MTUS2: variants seen among roughly 807,000 people sequenced by gnomAD.
MTUS2 encodes the protein microtubule associated scaffold protein 2.
In MTUS2, 40 loss-of-function variants were observed where a neutral mutation model predicts 114.1. That is an observed-to-expected ratio of 0.35 (90% CI 0.27 to 0.46). MTUS2 has a LOEUF of 0.46. Ranked by LOEUF, MTUS2 falls within the 20% of genes least tolerant of loss-of-function variation. MTUS2 has a pLI of 1.00. For synonymous variants in MTUS2, 688 were observed against 672.0 expected, an observed-to-expected ratio of 1.02 and a Z score of -0.37; for missense variants, 1,679 against 1,705.4, an observed-to-expected ratio of 0.98 and a Z score of 0.27.
intron 5 of MTUS2, among the ~76,000 whole-genome samples, chr13:29,264,385 A>G (rs1223355503): frequency 6.6e-6 from 1 of 152,172 alleles, no homozygotes; most frequent in Non-Finnish European, 1.5e-5. Flanking sequence ...CAGGCTGCCA[A>G]TGGATCTACC....
intron 4 of MTUS2, among the ~76,000 whole-genome samples, chr13:29,082,671 ACTT>A (rs1889497754): frequency 1.3e-5 from 2 of 152,226 alleles, no homozygotes; most frequent in Non-Finnish European, 2.9e-5. Flanking sequence ...GCAGGGTGCC[ACTT>A]GTATGACTCA....
In MTUS2 at chr13:29,011,312, A is replaced by T. The variant is rs568329451; in HGVS notation, c.-242-13145A>T. On this transcript the variant is annotated intron_variant, in intron 2 of 15. Transcript: ENST00000612955. ...GAAATTGTCTATTCTGATAATGAAG[A>T]TGTGTGAAGCCTAAACGCCATCCTG... Among the ~76,000 whole-genome samples, 12 of 152,336 alleles carry T rather than the reference A, an allele frequency of 7.9e-5. No individual in the cohort carries two copies. The East Asian group carries it at 2.3e-3, about 29-fold the overall frequency.
chr13:29,451,409 C>G (rs1878673116), intron 9 of MTUS2, among the ~76,000 whole-genome samples: 2 of 152,258 alleles, frequency 1.3e-5, no homozygotes, highest in South Asian at 4.1e-4. Context: ...ATATCAAAAT[C>G]TGTGGAATGC....
intron 2 of MTUS2, among the ~76,000 whole-genome samples, chr13:28,953,949 A>G (rs774204496): frequency 1.3e-5 from 2 of 152,220 alleles, no homozygotes; most frequent in Non-Finnish European, 2.9e-5. Flanking sequence ...GTTAAAACAT[A>G]CTATAAGGGC....
intron 5 of MTUS2, among the ~76,000 whole-genome samples, chr13:29,157,168 A>G (rs2139061514): frequency 6.6e-6 from 1 of 152,290 alleles, no homozygotes; most frequent in East Asian, 1.9e-4. Context: ...ATTGCAAACT[A>G]AGCTGTGAGG....
At chr13:29,359,692 A>G (rs970099393) in intron 8 of MTUS2, among the ~76,000 whole-genome samples, 3 of 152,242 alleles carry the variant, frequency 2.0e-5, no homozygotes, top group Non-Finnish European at 4.4e-5. Flanking sequence ...GGGAAGGATC[A>G]TTAATAATCT....
rs543881574 is a variant in MTUS2 at position 29,060,292 on chromosome 13, G to A, written c.2446+26167G>A. ...GGTGGCTCTCTGCCTCAATTTAGAA[G>A]CATAGGGGTGGGGCGGGGTGTCAAG... On this transcript the variant is annotated intron_variant, in intron 4 of 15. Coordinates refer to ENST00000612955, the MANE Select transcript of MTUS2 (RefSeq NM_001033602.4). Among the ~76,000 whole-genome samples the A allele has an allele frequency of 2.6e-5, 4 of 152,268 alleles. No homozygotes were observed. In the South Asian group the frequency reaches 8.3e-4, roughly 32 times the overall value.
chr13:29,228,169 G>A (rs1011925676), intron 5 of MTUS2, among the ~76,000 whole-genome samples: 7 of 152,276 alleles, frequency 4.6e-5, no homozygotes, highest in Middle Eastern at 3.4e-3. Flanking sequence ...GAAATGAATG[G>A]CATTCAGTAG....
At chr13:29,343,200 T>TCGTC (rs1901487820) in intron 7 of MTUS2, among the ~76,000 whole-genome samples, 2 of 151,470 alleles carry the variant, frequency 1.3e-5, no homozygotes, top group African/African-American at 2.4e-5. Flanking sequence ...GATTCCCTCT[T>TCGTC]TGTCTTTTGA....
chr13:29,045,703 G>A (rs1239801187), intron 4 of MTUS2, among the ~76,000 whole-genome samples: 1 of 152,132 alleles, frequency 6.6e-6, no homozygotes, highest in Non-Finnish European at 1.5e-5. Context: ...TGATGATGAT[G>A]CTTCTTTTTT....
chr13:29,346,162 A>G (rs1366621777), intron 7 of MTUS2, among the ~76,000 whole-genome samples: 3 of 152,064 alleles, frequency 2.0e-5, no homozygotes, highest in Non-Finnish European at 4.4e-5. Context: ...CTTTCAAGAG[A>G]GCCTCAGCTG....
At chr13:29,234,740 C>A (rs1896467484) in intron 5 of MTUS2, among the ~76,000 whole-genome samples, 1 of 147,966 alleles carries the variant, frequency 6.8e-6, no homozygotes, top group Admixed American at 6.8e-5. Flanking sequence ...GTGGTACACC[C>A]CCTTAACGCT....
intron 2 of MTUS2, among the ~76,000 whole-genome samples, chr13:28,854,898 G>T (rs1876522171): frequency 7.4e-6 from 1 of 135,510 alleles, no homozygotes; most frequent in African/African-American, 2.5e-5. Context: ...CACTGGATGG[G>T]CTCATGGTGG....
At chr13:29,019,527 A>T (rs1195637362) in intron 2 of MTUS2, among the ~76,000 whole-genome samples, 1 of 152,256 alleles carries the variant, frequency 6.6e-6, no homozygotes, top group East Asian at 1.9e-4. Context: ...CATTGAGACC[A>T]GCAAGGTGAT....
intron 5 of MTUS2, among the ~76,000 whole-genome samples, chr13:29,111,900 T>C (rs1370219352): frequency 1.3e-5 from 2 of 152,036 alleles, no homozygotes; most frequent in African/African-American, 4.8e-5. Context: ...ACAGTGGGAA[T>C]GATAAAGTAA....
chr13:28,943,483 A>T lies in MTUS2; in HGVS notation c.-242-80974A>T, dbSNP rs1158230906. Among the ~76,000 whole-genome samples, 3 of 152,218 alleles carry T rather than the reference A, an allele frequency of 2.0e-5. No homozygotes were observed. In the East Asian group the frequency reaches 5.8e-4, roughly 29 times the overall value. Reference sequence around the variant, plus strand: ...TGCATTTCAAGTGCTGAGTTGCCAAATGTGGCTAGGGGTGACATGTTAGAC... The same window carrying T: ...TGCATTTCAAGTGCTGAGTTGCCAATTGTGGCTAGGGGTGACATGTTAGAC... On this transcript the variant is annotated intron_variant, in intron 2 of 15. Coordinates refer to ENST00000612955, the MANE Select transcript of MTUS2 (RefSeq NM_001033602.4).
At chr13:28,860,165 T>C (rs1437722820) in intron 2 of MTUS2, among the ~76,000 whole-genome samples, 2 of 152,244 alleles carry the variant, frequency 1.3e-5, no homozygotes, top group Non-Finnish European at 1.5e-5. Flanking sequence ...TTCTAGATTT[T>C]ATTGAGGGTC....
At chr13:28,981,107 A>G (rs1266732622) in intron 2 of MTUS2, among the ~76,000 whole-genome samples, 1 of 152,226 alleles carries the variant, frequency 6.6e-6, no homozygotes, top group Non-Finnish European at 1.5e-5. Context: ...GCCACTGATG[A>G]TTGCACAACA....
At chr13:29,327,678 CTTTGTACAAATGTACAAGA>C (rs60155683) in intron 7 of MTUS2, among the ~76,000 whole-genome samples, 28,502 of 151,914 alleles carry the variant, frequency 0.19, 2,727 homozygotes, top group Middle Eastern at 0.22. Flanking sequence ...AAAGCCAAAT[CTTTGTACAAATGTACAAGA>C]TTTGTACAAA....
Sources: allele counts gnomAD v4.1 joint callset (sites outside exome capture counted in the v4.1 genomes callset), GRCh38; gene constraint gnomAD v4.1.1; transcripts MANE v1.5; gene names NCBI Gene and HGNC (gene_info 2026-07-23, HGNC 2026-07-21).